NKAIN3: variants seen among roughly 807,000 people sequenced by gnomAD.
NKAIN3 encodes sodium/potassium transporting ATPase interacting 3, also known as sodium/potassium-transporting ATPase subunit beta-1-interacting protein 3.
A neutral mutation model predicts 30.2 loss-of-function variants in NKAIN3; 25 were observed. The ratio of observed to expected loss-of-function variants is 0.83; its 90% confidence interval spans 0.60 to 1.16. The LOEUF (loss-of-function observed/expected upper bound fraction) is 1.16. Ranked by LOEUF, NKAIN3 falls within the 50% of genes most tolerant of loss-of-function variation. The pLI is 0.00. For synonymous variants in NKAIN3, 91 were observed against 89.6 expected (o/e 1.02, Z -0.09); for missense variants, 225 against 254.1 (o/e 0.89, Z 0.78).
At chr8:62,609,144 C>T (rs1811213228) in intron 3 of NKAIN3, among the ~76,000 whole-genome samples, 1 of 152,138 alleles carries the variant, frequency 6.6e-6, no homozygotes, top group African/African-American at 2.4e-5. Flanking sequence ...CCTTTAGAAA[C>T]TCCCTACTTT....
At chr8:62,528,175 T>A (rs1025419622) in intron 1 of NKAIN3, among the ~76,000 whole-genome samples, 12 of 148,464 alleles carry the variant, frequency 8.1e-5, no homozygotes, top group Non-Finnish European at 1.6e-4. Context: ...ACTCTCCTGA[T>A]ATATATATAT....
intron 3 of NKAIN3, among the ~76,000 whole-genome samples, chr8:62,693,286 C>A (rs997402574): frequency 6.6e-6 from 1 of 152,136 alleles, no homozygotes; most frequent in Non-Finnish European, 1.5e-5. Context: ...TTTTTTGAAG[C>A]ATTCCATAAT....
At chr8:62,426,167 T>A (rs1247488267) in intron 1 of NKAIN3, among the ~76,000 whole-genome samples, 1 of 151,880 alleles carries the variant, frequency 6.6e-6, no homozygotes. Context: ...ATCTTGGCAT[T>A]GAGAAAGGAT....
At chr8:62,683,279 C>T (rs1813701790) in intron 3 of NKAIN3, among the ~76,000 whole-genome samples, 1 of 152,078 alleles carries the variant, frequency 6.6e-6, no homozygotes, top group Non-Finnish European at 1.5e-5. Context: ...CGTGATCCGC[C>T]CACCTCGGCC....
At chr8:62,918,173 A>G (rs1399651996) in intron 4 of NKAIN3, among the ~76,000 whole-genome samples, 2 of 152,244 alleles carry the variant, frequency 1.3e-5, no homozygotes, top group African/African-American at 2.4e-5. Flanking sequence ...ATCTTTGCTG[A>G]TTATAAAATA....
chr8:62,428,991 G>T (rs1008906397), intron 1 of NKAIN3, among the ~76,000 whole-genome samples: 3 of 151,874 alleles, frequency 2.0e-5, no homozygotes, highest in Non-Finnish European at 2.9e-5. Flanking sequence ...AATCCATGTT[G>T]ATTTGATTTT....
intron 1 of NKAIN3, among the ~76,000 whole-genome samples, chr8:62,390,674 C>T (rs553222806): frequency 2.0e-4 from 31 of 152,128 alleles, no homozygotes; most frequent in Admixed American, 2.0e-3. Context: ...AAAAGCATTC[C>T]TTTTTCTCCA....
At chr8:62,529,261 G>T (rs1808412999) in intron 1 of NKAIN3, among the ~76,000 whole-genome samples, 1 of 152,140 alleles carries the variant, frequency 6.6e-6, no homozygotes, top group Admixed American at 6.5e-5. Context: ...AAGGCAAAAA[G>T]TTACTCTAAC....
chr8:62,306,186 A>G (rs926624010), intron 1 of NKAIN3, among the ~76,000 whole-genome samples: 14 of 150,208 alleles, frequency 9.3e-5, no homozygotes. Flanking sequence ...TTCCTCTTTA[A>G]GTGCAGACTT....
intron 3 of NKAIN3, among the ~76,000 whole-genome samples, chr8:62,716,321 T>C (rs940765661): frequency 9.2e-5 from 14 of 152,186 alleles, no homozygotes; most frequent in African/African-American, 3.1e-4. Context: ...TATGATAATA[T>C]ATGTGAATAA....
At chr8:62,657,983 A>G (rs555494686) in intron 3 of NKAIN3, among the ~76,000 whole-genome samples, 20 of 152,300 alleles carry the variant, frequency 1.3e-4, no homozygotes, top group African/African-American at 4.6e-4. Flanking sequence ...ATGGCTGAAG[A>G]GAGTGCAGAT....
intron 1 of NKAIN3, among the ~76,000 whole-genome samples, chr8:62,447,219 T>C (rs1238046467): frequency 6.6e-6 from 1 of 152,052 alleles, no homozygotes; most frequent in African/African-American, 2.4e-5. Flanking sequence ...CCTTATCCCT[T>C]TGAAAGGCAG....
chr8:62,713,249 T>A (rs955308604), intron 3 of NKAIN3, among the ~76,000 whole-genome samples: 28 of 152,202 alleles, frequency 1.8e-4, no homozygotes, highest in Non-Finnish European at 1.0e-4. Context: ...TTGGTTTTTA[T>A]TTTTGACTCT....
chr8:62,833,683 T>C (rs181239453), intron 4 of NKAIN3, among the ~76,000 whole-genome samples: 42 of 151,476 alleles, frequency 2.8e-4, no homozygotes, highest in Admixed American at 2.4e-3. Context: ...GAATCAGTAG[T>C]AGAAAACCTA....
intron 4 of NKAIN3, among the ~76,000 whole-genome samples, chr8:62,764,559 G>T (rs60000371): frequency 0.026 from 4,019 of 152,108 alleles, 182 homozygotes; most frequent in African/African-American, 0.091. Context: ...TGAACTCCTG[G>T]GCTCAAGCAA....
chr8:62,725,156 ATC>A (rs1448463810), intron 3 of NKAIN3, among the ~76,000 whole-genome samples: 3 of 152,078 alleles, frequency 2.0e-5, no homozygotes, highest in Non-Finnish European at 4.4e-5. Context: ...CTCTTAATGT[ATC>A]TGTTTCCTAT....
chr8:62,507,883 T>C (rs1807693354), intron 1 of NKAIN3, among the ~76,000 whole-genome samples: 1 of 152,206 alleles, frequency 6.6e-6, no homozygotes, highest in Non-Finnish European at 1.5e-5. Context: ...TGAGATTGAA[T>C]CCAGTGATCT....
chr8:62,681,301 G>A (rs534792412), intron 3 of NKAIN3, among the ~76,000 whole-genome samples: 1 of 152,342 alleles, frequency 6.6e-6, no homozygotes, highest in Non-Finnish European at 1.5e-5. Flanking sequence ...TATTGAATGA[G>A]AGGTTATAGT....
chr8:62,947,208 G>A (rs1275948917), intron 5 of NKAIN3, among the ~76,000 whole-genome samples: 1 of 152,114 alleles, frequency 6.6e-6, no homozygotes, highest in Non-Finnish European at 1.5e-5. Flanking sequence ...AAGATAATAA[G>A]AATGATGACT....
Sources: allele counts gnomAD v4.1 joint callset (sites outside exome capture counted in the v4.1 genomes callset), GRCh38; gene constraint gnomAD v4.1.1; transcripts MANE v1.5; gene names NCBI Gene and HGNC (gene_info 2026-07-23, HGNC 2026-07-21).